RAB11FIP5: variants seen among roughly 807,000 people sequenced by gnomAD.
RAB11FIP5 encodes the protein RAB11 family interacting protein 5, also known as rab11 family-interacting protein 5.
In RAB11FIP5, 48 loss-of-function variants were observed where a neutral mutation model predicts 85.1. The ratio of observed to expected loss-of-function variants is 0.56; its 90% confidence interval spans 0.45 to 0.72. RAB11FIP5 has a LOEUF of 0.72. Among genes scored for constraint, RAB11FIP5 ranks in the 30% least tolerant of loss-of-function variants. RAB11FIP5 has a pLI of 0.00. For missense variants in RAB11FIP5, 1,491 were observed against 1,687.0 expected (o/e 0.88, Z 2.04); for synonymous variants, 729 against 727.3 (o/e 1.00, Z -0.04).
At chr2:73,104,532 C>A (rs1410114650) in intron 1 of RAB11FIP5, among the ~76,000 whole-genome samples, 4 of 152,204 alleles carry the variant, frequency 2.6e-5, no homozygotes, top group African/African-American at 9.7e-5. Context: ...CACACCATTG[C>A]ACTCCAGCCT....
Position 73,086,493 on chromosome 2 carries a change from T to C in RAB11FIP5, c.1568+1557A>G, listed in dbSNP as rs1372840519. On this transcript the variant is annotated intron_variant, in intron 3 of 5. Coordinates refer to ENST00000486777, the MANE Select transcript of RAB11FIP5 (RefSeq NM_001371272.1). This position sits in a 1 kb window ranked among gnomAD's most constrained non-coding sequence, Gnocchi z 4.4. ...GCCCAAAGCCTGGGCAGGACTCACC[T>C]ACAAATGGCCCCAGCATTCACCTTG... is the stretch of plus-strand genomic sequence containing the variant. 1.3e-5 allele frequency among the ~76,000 whole-genome samples: 2 copies of C among 152,090 alleles called. No homozygotes were observed. The highest frequency in any genetic ancestry group is 2.4e-5 in the African/African-American group (1 of 41,400).
At position 73,086,875 on chromosome 2, in the gene RAB11FIP5, C is replaced by G. The variant is rs1359352090; in HGVS notation, c.1568+1175G>C. ...CTGAAACTGATCCACCCCCCCATACCCCTATCTATGAGGGTCTAACAGGGA... is the reference window on the plus strand; with the variant it reads ...CTGAAACTGATCCACCCCCCCATACGCCTATCTATGAGGGTCTAACAGGGA... On this transcript the variant is annotated intron_variant, in intron 3 of 5. Coordinates refer to ENST00000486777, the MANE Select transcript of RAB11FIP5 (RefSeq NM_001371272.1). The surrounding 1 kb of genome is among the most constrained non-coding windows in gnomAD (Gnocchi z 4.4). 6.6e-6 allele frequency among the ~76,000 whole-genome samples: 1 copy of G among 152,146 alleles called. No homozygotes were observed. Among genetic ancestry groups the G allele is most frequent in the Non-Finnish European group, 1.5e-5 (1 of 68,036 alleles).
chr2:73,107,727 C>T (rs1397067486), intron 1 of RAB11FIP5, among the ~76,000 whole-genome samples: 1 of 152,334 alleles, frequency 6.6e-6, no homozygotes, highest in African/African-American at 2.4e-5. Context: ...GGCATACCAA[C>T]GACTGGCTTC....
chr2:73,081,354 A>G lies in RAB11FIP5; in HGVS notation c.1878T>C (p.Ser626=), dbSNP rs1683979928. Residue 626 remains serine, a synonymous_variant, in exon 4 of 6, where the codon TCT becomes TCC. Transcript: ENST00000486777. The surrounding 1 kb of genome is among the most constrained non-coding windows in gnomAD (Gnocchi z 4.2). ...GGCTGGCCCTCGAGGCACTGGGGAGAGAGGGAGCAGGTGAAGGAGAGTTTA... is the reference window on the plus strand; with the variant it reads ...GGCTGGCCCTCGAGGCACTGGGGAGGGAGGGAGCAGGTGAAGGAGAGTTTA... ...IALNSPSPAP[S]LPSASRASPT... is the part of the protein sequence containing the mutation. The G allele has an allele frequency of 8.1e-7, 1 of 1,232,552 alleles. No homozygotes were observed. The highest frequency in any genetic ancestry group is 1.0e-6 in the Non-Finnish European group (1 of 988,454). 76.4% of individuals were successfully genotyped at this position (1,232,552 alleles called of 1,614,324 possible).
At chr2:73,090,283 C>T (rs574697287) in intron 1 of RAB11FIP5, among the ~76,000 whole-genome samples, 3 of 152,318 alleles carry the variant, frequency 2.0e-5, no homozygotes, top group South Asian at 2.1e-4. Flanking sequence ...ATGGCCACCA[C>T]ACAGGGTGGC....
At chr2:73,091,527 A>G (rs1361199238) in intron 1 of RAB11FIP5, among the ~76,000 whole-genome samples, 1 of 152,160 alleles carries the variant, frequency 6.6e-6, no homozygotes, top group Non-Finnish European at 1.5e-5. Context: ...CTCCCGCCTG[A>G]GCTCTGCCCC....
rs764872096 is a variant in RAB11FIP5 at position 73,088,071 on chromosome 2, T to G, written c.1547A>C (p.Lys516Thr). 1 of 1,603,760 alleles carries G rather than the reference T, an allele frequency of 6.2e-7. No individual in the cohort carries two copies. The highest frequency in any genetic ancestry group is 2.2e-5 in the East Asian group (1 of 44,688). Residue 516 changes from lysine to threonine, a missense_variant, in exon 3 of 6, where the codon AAG (lysine) becomes ACG (threonine). This residue lies in a region of RAB11FIP5 where 1,211 missense variants were observed against 1,338.0 expected (regional missense o/e 0.91). Coordinates refer to ENST00000486777, the MANE Select transcript of RAB11FIP5 (RefSeq NM_001371272.1). ...KSSWFGLREA[K>T]DPTQKPSLDV... ...TTACCTGGGTTTCTGAGTCGGGTCC[T>G]TGGCTTCTCTCAAGCCAAACCAGCT...
intron 4 of RAB11FIP5, among the ~76,000 whole-genome samples, chr2:73,077,371 C>CCA (rs1683883457): frequency 6.6e-6 from 1 of 152,180 alleles, no homozygotes; most frequent in South Asian, 2.1e-4. Context: ...CCTTCTCAAG[C>CCA]CACCCCACTC....
chr2:73,104,878 G>T (rs1365791226), intron 1 of RAB11FIP5, among the ~76,000 whole-genome samples: 1 of 152,186 alleles, frequency 6.6e-6, no homozygotes, highest in Non-Finnish European at 1.5e-5. Flanking sequence ...TCCTTGCTGC[G>T]TTAGGCTTAT....
At chr2:73,095,294 T>C (rs1335797783) in intron 1 of RAB11FIP5, among the ~76,000 whole-genome samples, 10 of 152,192 alleles carry the variant, frequency 6.6e-5, no homozygotes, top group Non-Finnish European at 7.3e-5. Flanking sequence ...AAGAGAAAAT[T>C]CCTTGCACCT....
chr2:73,094,681 C>T (rs1228509081), intron 1 of RAB11FIP5, among the ~76,000 whole-genome samples: 2 of 152,080 alleles, frequency 1.3e-5, no homozygotes, highest in African/African-American at 4.8e-5. Flanking sequence ...GCCACCTGGG[C>T]TCTCCACCTG....
chr2:73,092,510 A>C lies in RAB11FIP5; in HGVS notation c.432-3195T>G, dbSNP rs113075033. 6.3e-3 allele frequency among the ~76,000 whole-genome samples: 953 copies of C among 152,268 alleles called. 14 individuals carry two copies. Among genetic ancestry groups the C allele is most frequent in the African/African-American group, 0.02 (822 of 41,548 alleles). Reference sequence around the variant, plus strand: ...AAGGGAAAGCTCTTGCTCCTATCTCATCTCAGCTTCCTGAGCCACAAAATG... The same window carrying C: ...AAGGGAAAGCTCTTGCTCCTATCTCCTCTCAGCTTCCTGAGCCACAAAATG... On this transcript the variant is annotated intron_variant, in intron 1 of 5. Coordinates refer to ENST00000486777, the MANE Select transcript of RAB11FIP5 (RefSeq NM_001371272.1).
rs371764087 is a variant in RAB11FIP5, at chr2:73,081,089, CACCTCT to C, written c.2137_2142del (p.Arg713_Gly714del). 9.8e-6 allele frequency: 12 copies of C among 1,224,796 alleles called. No individual in the cohort carries two copies. The African/African-American group carries it at 2.1e-4, about 21-fold the overall frequency. The allele number at this position is 1,224,796 out of a possible 1,614,324, so 75.9% of individuals were successfully genotyped here. A position where few individuals can be genotyped will look rare whatever the true frequency, so the allele number is the denominator to read the frequency against. ...CTGGGCTCCAGCCACACGCTGCTCC[CACCTCT>C]TCCTCCTCCTCCTCCTCCTCCTCCT... is the stretch of plus-strand genomic sequence containing the variant. On this transcript the variant is annotated inframe_deletion, in exon 4 of 6. Coordinates refer to ENST00000486777, the MANE Select transcript of RAB11FIP5 (RefSeq NM_001371272.1). The surrounding 1 kb of genome is among the most constrained non-coding windows in gnomAD (Gnocchi z 4.2).
In RAB11FIP5 at chr2:73,075,791, C is replaced by T. The variant is rs577171686; in HGVS notation, c.3772-67G>A. The T allele has an allele frequency of 2.3e-4, 345 of 1,479,140 alleles. 1 individual carries two copies. The African/African-American group carries it at 3.7e-3, about 16-fold the overall frequency. 91.6% of individuals were successfully genotyped at this position (1,479,140 alleles called of 1,614,324 possible). ...CTGCCTGCCTGCCTGCCCGCTTGCC[C>T]GCCCGCCCGCCTGCCCACCAACACC... On this transcript the variant is annotated intron_variant, in intron 5 of 5. Transcript: ENST00000486777. The surrounding 1 kb of genome is among the most constrained non-coding windows in gnomAD (Gnocchi z 4.6).
rs1683898290 is a variant in RAB11FIP5, at chr2:73,078,135, G to A, written c.3581+1516C>T. Among the ~76,000 whole-genome samples the A allele has an allele frequency of 6.6e-6, 1 of 152,258 alleles. No individual in the cohort carries two copies. Among genetic ancestry groups the A allele is most frequent in the Non-Finnish European group, 1.5e-5 (1 of 68,048 alleles). On this transcript the variant is annotated intron_variant, in intron 4 of 5. Coordinates refer to ENST00000486777, the MANE Select transcript of RAB11FIP5 (RefSeq NM_001371272.1). The surrounding 1 kb of genome is among the most constrained non-coding windows in gnomAD (Gnocchi z 4.4). Reference sequence around the variant, plus strand: ...GCAGCTCTAATGCCACCTGCGGGCTGTGCCAGGGAAGGGGAGGATGACCAG... The same window carrying A: ...GCAGCTCTAATGCCACCTGCGGGCTATGCCAGGGAAGGGGAGGATGACCAG...
chr2:73,099,644 TC>T (rs1684390724), intron 1 of RAB11FIP5, among the ~76,000 whole-genome samples: 1 of 152,150 alleles, frequency 6.6e-6, no homozygotes, highest in African/African-American at 2.4e-5. Flanking sequence ...GACCCTCAAA[TC>T]CTTGCATGCT....
Position 73,074,813 on chromosome 2 carries a change from G to A in RAB11FIP5, c.*708C>T, listed in dbSNP as rs917692597. 30 of 210,302 alleles carry A rather than the reference G, an allele frequency of 1.4e-4. No homozygotes were observed. Among genetic ancestry groups the A allele is most frequent in the Non-Finnish European group, 2.1e-4 (22 of 102,636 alleles). The allele number at this position is 210,302 out of a possible 1,614,324, so 13.0% of individuals were successfully genotyped here. A position where few individuals can be genotyped will look rare whatever the true frequency, so the allele number is the denominator to read the frequency against. On this transcript the variant is annotated 3_prime_UTR_variant, in exon 6 of 6. Coordinates refer to ENST00000486777, the MANE Select transcript of RAB11FIP5 (RefSeq NM_001371272.1). ...GTGCTCTCTCCGCACCCGCCCCTGCGCCCCACACATTCCCATGTGACACTC... is the reference window on the plus strand; with the variant it reads ...GTGCTCTCTCCGCACCCGCCCCTGCACCCCACACATTCCCATGTGACACTC...
Position 73,112,839 on chromosome 2 carries a change from A to C in RAB11FIP5, c.-62T>G. The C allele has an allele frequency of 1.5e-6, 2 of 1,322,068 alleles. No homozygotes were observed. Among genetic ancestry groups the C allele is most frequent in the African/African-American group, 1.6e-5 (1 of 64,308 alleles). 81.9% of individuals were successfully genotyped at this position (1,322,068 alleles called of 1,614,324 possible). A position where few individuals can be genotyped will look rare whatever the true frequency, so the allele number is the denominator to read the frequency against. ...TGCAGACCCCAGGACCTGGTGACAA[A>C]CCCGGCCGCGGCAGAAGGCGGTCAG... is the stretch of plus-strand genomic sequence containing the variant. On this transcript the variant is annotated 5_prime_UTR_variant, in exon 1 of 6. Transcript: ENST00000486777.
chr2:73,082,044 T>C (rs967196921), intron 3 of RAB11FIP5, among the ~76,000 whole-genome samples: 2 of 150,468 alleles, frequency 1.3e-5, no homozygotes, highest in African/African-American at 4.9e-5. Context: ...ACATCCCTTT[T>C]TTTTTTTTTT....
Sources: allele counts gnomAD v4.1 joint callset (sites outside exome capture counted in the v4.1 genomes callset), GRCh38; gene constraint gnomAD v4.1.1; regional missense constraint gnomAD v4.1.1; non-coding constraint Gnocchi (gnomAD v3.1); transcripts MANE v1.5; gene names NCBI Gene and HGNC (gene_info 2026-07-23, HGNC 2026-07-21).